The following PCDHA1 variants were observed in gnomAD, a reference collection of about 807,000 sequenced individuals.
The protein encoded by PCDHA1 is protocadherin alpha-1.
PCDHA1 carries 42 observed loss-of-function variants against 61.3 expected under a neutral mutation model. The ratio of observed to expected loss-of-function variants is 0.69; its 90% CI spans 0.54 to 0.89. PCDHA1 has a LOEUF of 0.89. Among genes scored for constraint, PCDHA1 ranks in the 40% least tolerant of loss-of-function variants. The pLI, the probability that PCDHA1 is intolerant of heterozygous loss-of-function variation, is 0.00. For synonymous variants in PCDHA1, 610 were observed against 553.8 expected, an observed-to-expected ratio of 1.10 and a Z score of -1.43; for missense variants, 1,256 against 1,235.3, an observed-to-expected ratio of 1.02 and a Z score of -0.25.
chr5:140,910,053 G>C (rs2074856503), intron 1 of PCDHA1, among the ~76,000 whole-genome samples: 1 of 152,170 alleles, frequency 6.6e-6, no homozygotes, highest in Non-Finnish European at 1.5e-5. Context: ...CATAATAAGT[G>C]ATCTTTTAAC....
rs1346960602 is a variant in PCDHA1 at position 140,788,362 on chromosome 5, C to T, written c.2072C>T (p.Ala691Val). ...RASVGVAGPE[A>V]ALVDVNVYLI... The stretch of plus-strand genomic sequence containing the variant: ...TCGGTGGGTGTCGCGGGCCCAGAGG[C>T]GGCGCTGGTGGATGTCAACGTGTAC... Residue 691 changes from alanine (A) to valine (V), a missense_variant, in exon 1 of 4, where the codon GCG (alanine) becomes GTG (valine). By Grantham distance (64) the Ala-to-Val change is moderately conservative. Coordinates refer to ENST00000504120, the MANE Select transcript of PCDHA1 (RefSeq NM_018900.4). The T allele has an allele frequency of 3.7e-6, 6 of 1,613,866 alleles. No individual in the cohort carries two copies. The highest frequency in any genetic ancestry group is 2.2e-5 in the East Asian group (1 of 44,882).
intron 1 of PCDHA1, chr5:140,927,755 C>T (rs1388061408): frequency 6.2e-7 from 1 of 1,614,196 alleles, no homozygotes; most frequent in South Asian, 1.1e-5. Flanking sequence ...CACGTGCACC[C>T]TAAAAGTGGG....
At chr5:140,941,197 TTCTTC>T (rs1554213863) in intron 1 of PCDHA1, among the ~76,000 whole-genome samples, 1 of 112,110 alleles carries the variant, frequency 8.9e-6, no homozygotes. Context: ...TTTTTTTTCT[TTCTTC>T]CTTTCTTTCT....
chr5:140,922,581 C>T (rs893700923), intron 1 of PCDHA1, among the ~76,000 whole-genome samples: 2 of 152,104 alleles, frequency 1.3e-5, no homozygotes, highest in Non-Finnish European at 2.9e-5. Context: ...GCCCTGTAGC[C>T]GCCAGTTCTC....
chr5:140,793,607 T>A (rs1236151439), intron 1 of PCDHA1, among the ~76,000 whole-genome samples: 2 of 152,218 alleles, frequency 1.3e-5, no homozygotes, highest in African/African-American at 4.8e-5. Context: ...GTGACATGGT[T>A]AGAGTAACTG....
At chr5:140,832,575 T>G (rs1351881493) in intron 1 of PCDHA1, among the ~76,000 whole-genome samples, 1 of 152,226 alleles carries the variant, frequency 6.6e-6, no homozygotes, top group Non-Finnish European at 1.5e-5. Context: ...CAGCATACTT[T>G]CTTAGGAAGT....
chr5:140,958,084 T>C (rs2095408627), intron 1 of PCDHA1, among the ~76,000 whole-genome samples: 1 of 152,110 alleles, frequency 6.6e-6, no homozygotes, highest in African/African-American at 2.4e-5. Flanking sequence ...AAAAGTAAAG[T>C]TGTACAATAG....
chr5:140,860,424 C>T (rs1554153356), intron 1 of PCDHA1: 1 of 152,034 alleles, frequency 6.6e-6, no homozygotes, highest in Non-Finnish European at 1.5e-5. Flanking sequence ...CATTATCCTG[C>T]AAATATGATC....
chr5:140,893,338 T>C (rs1409461265), intron 1 of PCDHA1, among the ~76,000 whole-genome samples: 1 of 152,174 alleles, frequency 6.6e-6, no homozygotes, highest in African/African-American at 2.4e-5. Context: ...TTTTCCTTAG[T>C]GGCAGTGCTA....
chr5:140,960,438 T>C (rs1403944664), intron 1 of PCDHA1, among the ~76,000 whole-genome samples: 4 of 152,180 alleles, frequency 2.6e-5, no homozygotes, highest in African/African-American at 9.7e-5. Context: ...ATACTCTAGA[T>C]ATATGTATGG....
At chr5:140,823,827 C>A (rs1554129619) in intron 1 of PCDHA1, 1 of 1,613,806 alleles carries the variant, frequency 6.2e-7, no homozygotes, top group Non-Finnish European at 8.5e-7. Context: ...CGTCGGCGGG[C>A]GCTGTGGGTC....
At chr5:140,945,760 G>T (rs2093839081) in intron 1 of PCDHA1, among the ~76,000 whole-genome samples, 2 of 152,154 alleles carry the variant, frequency 1.3e-5, no homozygotes, top group East Asian at 1.9e-4. Flanking sequence ...AAATGGTGGT[G>T]GGACAATTTG....
intron 1 of PCDHA1, chr5:140,863,128 C>G (rs555226712): frequency 3.3e-6 from 2 of 598,142 alleles, no homozygotes; most frequent in East Asian, 8.9e-5. Context: ...TACGCGCCAC[C>G]GCCTGCTGGT....
intron 1 of PCDHA1, chr5:140,928,602 GC>G: frequency 1.2e-6 from 2 of 1,614,176 alleles, no homozygotes; most frequent in Non-Finnish European, 1.7e-6. Flanking sequence ...TGGAAATTGT[GC>G]CCCGCTCTGC....
At chr5:140,877,487 A>G in intron 1 of PCDHA1, 1 of 1,613,822 alleles carries the variant, frequency 6.2e-7, no homozygotes, top group Non-Finnish European at 8.5e-7. Context: ...CTGGTGGAGA[A>G]CGGCCAGGCC....
chr5:140,801,037 C>T lies in PCDHA1; in HGVS notation c.2394+12353C>T, dbSNP rs1423546954. The T allele has an allele frequency of 2.8e-6, 4 of 1,430,180 alleles. No homozygotes were observed. In the African/African-American group the frequency reaches 4.3e-5, roughly 15 times the overall value. The allele number at this position is 1,430,180 out of a possible 1,614,324, so 88.6% of individuals were successfully genotyped here. ...CTGTCCACCACAAGGTCTTTCTCCA[C>T]AAAAGAAATAACAGCGTGCATTACG... On this transcript the variant is annotated intron_variant, in intron 1 of 3. Transcript: ENST00000504120.
chr5:140,969,040 A>G (rs1554231380), intron 1 of PCDHA1: 1 of 1,614,150 alleles, frequency 6.2e-7, no homozygotes. Context: ...AACTGTACAA[A>G]CAAGCCAACA....
intron 1 of PCDHA1, chr5:140,835,800 C>T (rs1773939889): frequency 2.5e-6 from 4 of 1,612,944 alleles, no homozygotes; most frequent in Non-Finnish European, 3.4e-6. Context: ...GCCGGGCTGC[C>T]ACATCTTCAC....
At chr5:140,823,145 C>T in intron 1 of PCDHA1, 7 of 1,614,012 alleles carry the variant, frequency 4.3e-6, no homozygotes, top group Non-Finnish European at 5.1e-6. Context: ...TTCGCGCAGC[C>T]CCAGTATACC....
Sources: gnomAD v4.1 joint callset for allele counts (sites outside exome capture counted in the v4.1 genomes callset) on GRCh38, gnomAD v4.1.1 for gene constraint, MANE v1.5 for transcripts, NCBI Gene and HGNC (gene_info 2026-07-23, HGNC 2026-07-21) for gene names.